USP45: variants seen among roughly 807,000 people sequenced by gnomAD.
USP45 encodes the protein ubiquitin carboxyl-terminal hydrolase 45.
In USP45, 89 loss-of-function variants were observed where a neutral mutation model predicts 95.8. The ratio of observed to expected loss-of-function variants is 0.93; its 90% CI spans 0.78 to 1.11. The LOEUF (loss-of-function observed/expected upper bound fraction) is 1.11, where lower values mean the gene tolerates loss of function less well. Among genes scored for constraint, USP45 ranks in the 50% least tolerant of loss-of-function variants. USP45 has a pLI of 0.00. For missense variants in USP45, 898 were observed against 942.5 expected, an observed-to-expected ratio of 0.95 and a Z score of 0.62; for synonymous variants, 281 against 316.2, an observed-to-expected ratio of 0.89 and a Z score of 1.18.
rs555362248 is a variant in USP45 at position 99,509,996 on chromosome 6, T to C, written c.100+125A>G. The stretch of plus-strand genomic sequence containing the variant: ...TCCCAAGAATAGTGTATTTTCCATC[T>C]AGGTTTGGTGGAAAAAAATTTGTGT... On this transcript the variant is annotated intron_variant, in intron 2 of 17. Coordinates refer to ENST00000500704, the MANE Select transcript of USP45 (RefSeq NM_001346022.3). The C allele has an allele frequency of 4.2e-4, 297 of 711,752 alleles. 1 individual carries two copies. The African/African-American group carries it at 4.5e-3, about 11-fold the overall frequency. 44.1% of individuals were successfully genotyped at this position (711,752 alleles called of 1,614,324 possible). A position where few individuals can be genotyped will look rare whatever the true frequency, so the allele number is the denominator to read the frequency against.
chr6:99,485,804 CAAG>C, intron 7 of USP45, among the ~76,000 whole-genome samples: 1 of 152,052 alleles, frequency 6.6e-6, no homozygotes, highest in South Asian at 2.1e-4. Context: ...GGGTTTGTAA[CAAG>C]AATACAGGAT....
rs1782471729 is a variant in USP45 at position 99,446,008 on chromosome 6, A to T, written c.1764T>A (p.Cys588Ter). The change falls in exon 14 of 18, where the codon TGT (cysteine) becomes TGA (stop). Residue 588 changes from cysteine to a stop codon, truncating the protein, a stop_gained. Coordinates refer to ENST00000500704, the MANE Select transcript of USP45 (RefSeq NM_001346022.3). LOFTEE classifies it high-confidence loss of function. ...NQPLNISNNLCFLEGKHLRSY... is the reference protein window; with the variant it reads ...NQPLNISNNL ...ACCTCAAATGCTTCCCCTCTAAAAA[A>T]CATAAATTATTTGAAATATTTAGTG... is the stretch of plus-strand genomic sequence containing the variant. 1.2e-6 allele frequency: 2 copies of T among 1,613,930 alleles called. No individual in the cohort carries two copies. Among genetic ancestry groups the T allele is most frequent in the African/African-American group, 2.7e-5 (2 of 74,902 alleles).
chr6:99,453,166 T>TGG (rs1562323408), intron 13 of USP45, among the ~76,000 whole-genome samples: 4 of 17,212 alleles, frequency 2.3e-4, no homozygotes, highest in Non-Finnish European at 4.0e-4. Context: ...CCCTAGAACT[T>TGG]AAAAAAGAAA....
chr6:99,462,391 G>T (rs1786683849), intron 13 of USP45: 7 of 984,132 alleles, frequency 7.1e-6, no homozygotes, highest in Non-Finnish European at 7.2e-6. Context: ...AACTACTTTG[G>T]CCAGTACCAC....
intron 13 of USP45, among the ~76,000 whole-genome samples, chr6:99,453,283 A>G (rs754131172): frequency 3.9e-5 from 6 of 152,092 alleles, no homozygotes; most frequent in Admixed American, 2.0e-4. Context: ...TCAACAAAAA[A>G]CTCTTAGAAC....
chr6:99,450,067 A>G (rs2128567170), intron 13 of USP45, among the ~76,000 whole-genome samples: 1 of 152,330 alleles, frequency 6.6e-6, no homozygotes, highest in Admixed American at 6.5e-5. Context: ...AAATGCCCAC[A>G]AGAGAAAGCA....
intron 7 of USP45, among the ~76,000 whole-genome samples, chr6:99,484,735 G>A (rs997769171): frequency 3.3e-5 from 5 of 150,844 alleles, no homozygotes; most frequent in African/African-American, 1.2e-4. Flanking sequence ...AGGCTGCAAT[G>A]AGCCATGATG....
rs1439159590 is a variant in USP45 at position 99,476,196 on chromosome 6, T to A, written c.880A>T (p.Ser294Cys). 5 of 1,614,092 alleles carry A rather than the reference T, an allele frequency of 3.1e-6. No homozygotes were observed. The highest frequency in any genetic ancestry group is 2.2e-5 in the East Asian group (1 of 44,880). The part of the protein sequence containing the change: ...PRFKDFQQQD[S>C]QELLHYLLDA... Reference sequence around the variant, plus strand: ...AGAAGATAATGAAGAAGCTCCTGACTGTCCTGTTGCTGGAAATCTTTAAAT... The same window carrying A: ...AGAAGATAATGAAGAAGCTCCTGACAGTCCTGTTGCTGGAAATCTTTAAAT... The change falls in exon 9 of 18, where the codon AGT becomes TGT. Residue 294 changes from serine (S) to cysteine (C), a missense_variant. Transcript: ENST00000500704.
At chr6:99,472,216 T>C (rs1164576340) in intron 9 of USP45, among the ~76,000 whole-genome samples, 1 of 97,148 alleles carries the variant, frequency 1.0e-5, no homozygotes, top group Non-Finnish European at 2.0e-5. Context: ...TAACTTCACT[T>C]ACTAATTTTT....
chr6:99,469,486 AT>A (rs60670572), intron 9 of USP45, among the ~76,000 whole-genome samples: 54,696 of 136,222 alleles, frequency 0.4, 12,089 homozygotes, highest in Middle Eastern at 0.56. Context: ...ATATATATAT[AT>A]TTTTTTTTTT....
At chr6:99,483,823 C>T (rs1231648006) in intron 7 of USP45, among the ~76,000 whole-genome samples, 2 of 94,802 alleles carry the variant, frequency 2.1e-5, no homozygotes, top group Non-Finnish European at 3.7e-5. Flanking sequence ...CCGGCCTGGG[C>T]GACAGAGCGA....
intron 13 of USP45, among the ~76,000 whole-genome samples, chr6:99,455,819 T>TAAAAAAA (rs35285232): frequency 4.5e-5 from 2 of 44,338 alleles, no homozygotes; most frequent in Non-Finnish European, 7.4e-5. Context: ...ATGTGAGAGC[T>TAAAAAAA]AAAAAAAAAA....
At position 99,459,057 on chromosome 6, in the gene USP45, G is replaced by A. The variant is rs541236932; in HGVS notation, c.1308+5547C>T. 3.9e-5 allele frequency among the ~76,000 whole-genome samples: 6 copies of A among 152,188 alleles called. No individual in the cohort carries two copies. In the South Asian group the frequency reaches 8.3e-4, roughly 21 times the overall value. On this transcript the variant is annotated intron_variant, in intron 13 of 17. Coordinates refer to ENST00000500704, the MANE Select transcript of USP45 (RefSeq NM_001346022.3). ...TTATAAAGGTAAACTTGTGTCACAGGGGTTTGTTATACAGATTATTTCTTC... is the reference window on the plus strand; with the variant it reads ...TTATAAAGGTAAACTTGTGTCACAGAGGTTTGTTATACAGATTATTTCTTC...
chr6:99,461,038 G>A, intron 13 of USP45: 1 of 985,330 alleles, frequency 1.0e-6, no homozygotes, highest in East Asian at 1.1e-4. Flanking sequence ...GGGAACCAAA[G>A]TTCATGTAAA....
At chr6:99,484,004 GTTTTTT>G (rs773687208) in intron 7 of USP45, among the ~76,000 whole-genome samples, 6 of 91,464 alleles carry the variant, frequency 6.6e-5, no homozygotes, top group South Asian at 4.8e-4. Context: ...ATTTTCCATA[GTTTTTT>G]TTTTTTTTTT....
intron 13 of USP45, among the ~76,000 whole-genome samples, chr6:99,463,199 AT>A (rs1265258940): frequency 2.8e-5 from 1 of 36,190 alleles, no homozygotes; most frequent in Non-Finnish European, 5.2e-5. Context: ...TCATGGAATA[AT>A]TTTCCATTTT....
rs145642240 is a variant in USP45 at position 99,449,105 on chromosome 6, C to T, written c.1309-2642G>A. On this transcript the variant is annotated intron_variant, in intron 13 of 17. Transcript: ENST00000500704. ...AAAGACCATCAATGCTAGGAAGAAA[C>T]GGCATCAACTAACGAGCAAAATAAC... Among the ~76,000 whole-genome samples the T allele has an allele frequency of 5.6e-4, 84 of 150,548 alleles. 1 individual carries two copies. The East Asian group carries it at 7.9e-3, about 14-fold the overall frequency.
intron 12 of USP45, 39 bp from the exon 13 acceptor site, chr6:99,464,786 G>T: frequency 6.5e-7 from 1 of 1,534,176 alleles, no homozygotes. Flanking sequence ...AACCTCTTTA[G>T]TAAATAAATT....
intron 16 of USP45, among the ~76,000 whole-genome samples, chr6:99,437,776 C>T (rs561189621): frequency 1.3e-5 from 2 of 152,090 alleles, no homozygotes; most frequent in Admixed American, 6.5e-5. Context: ...TCCTGCCTCA[C>T]GTTCCCAAGT....
Sources: allele counts gnomAD v4.1 joint callset (sites outside exome capture counted in the v4.1 genomes callset), GRCh38; gene constraint gnomAD v4.1.1; transcripts MANE v1.5; gene names NCBI Gene and HGNC (gene_info 2026-07-23, HGNC 2026-07-21).